Variants in MSI2 observed in about 807,000 individuals in gnomAD.
MSI2 encodes RNA-binding protein Musashi homolog 2.
MSI2 carries 17 observed loss-of-function variants against 45.6 expected under a neutral mutation model. The observed-to-expected ratio is 0.37, with a 90% CI of 0.26 to 0.56. The LOEUF (loss-of-function observed/expected upper bound fraction) is 0.56, where lower values mean the gene tolerates loss of function less well. Among genes scored for constraint, MSI2 ranks in the 20% least tolerant of loss-of-function variants. The pLI, the probability that MSI2 is intolerant of heterozygous loss-of-function variation, is 0.77. For synonymous variants in MSI2, 156 were observed against 158.2 expected, an observed-to-expected ratio of 0.99 and a Z score of 0.11; for missense variants, 293 against 444.2, an observed-to-expected ratio of 0.66 and a Z score of 3.06.
chr17:57,316,198 T>A (rs1912836274), intron 5 of MSI2, among the ~76,000 whole-genome samples: 1 of 152,148 alleles, frequency 6.6e-6, no homozygotes, highest in African/African-American at 2.4e-5. Flanking sequence ...TACAAAGTAG[T>A]AGATACTGCT....
chr17:57,594,489 C>G (rs1447261317), intron 7 of MSI2, among the ~76,000 whole-genome samples: 1 of 152,122 alleles, frequency 6.6e-6, no homozygotes, highest in Non-Finnish European at 1.5e-5. Context: ...ACTGAAAGTG[C>G]TTAAAGGAGC....
At position 57,559,933 on chromosome 17, in the gene MSI2, A is replaced by G. The variant is rs572832240; in HGVS notation, c.454+30209A>G. On this transcript the variant is annotated intron_variant, in intron 7 of 13. Transcript: ENST00000284073. ...CTGGGCCGGGCCACCTGTGCAGGTA[A>G]CTCCTTCACTGCTATTGGTCGGTGG... 4.6e-5 allele frequency among the ~76,000 whole-genome samples: 7 copies of G among 152,234 alleles called. No individual in the cohort carries two copies. The South Asian group carries it at 1.5e-3, about 32-fold the overall frequency.
chr17:57,574,985 C>T (rs925708249), intron 7 of MSI2, among the ~76,000 whole-genome samples: 6 of 152,146 alleles, frequency 3.9e-5, no homozygotes, highest in South Asian at 2.1e-4. Context: ...TGCCCACCAC[C>T]ACGCCCGGCT....
intron 6 of MSI2, among the ~76,000 whole-genome samples, chr17:57,473,978 C>G (rs1315082083): frequency 1.3e-5 from 2 of 152,076 alleles, no homozygotes; most frequent in Non-Finnish European, 2.9e-5. Context: ...CTGTTTTTTT[C>G]GGTTTTGTTT....
chr17:57,397,152 C>T (rs1049018171), intron 5 of MSI2, among the ~76,000 whole-genome samples: 2 of 152,088 alleles, frequency 1.3e-5, no homozygotes, highest in Non-Finnish European at 2.9e-5. Context: ...TGTATGGGTA[C>T]TCTACTGGTA....
At chr17:57,661,622 A>G (rs1309745584) in intron 11 of MSI2, among the ~76,000 whole-genome samples, 3 of 152,114 alleles carry the variant, frequency 2.0e-5, no homozygotes, top group Admixed American at 6.5e-5. Context: ...GTGGAGTGAG[A>G]GGCATTGAGA....
intron 8 of MSI2, among the ~76,000 whole-genome samples, chr17:57,600,278 A>G (rs556399445): frequency 2.8e-4 from 43 of 152,312 alleles, no homozygotes; most frequent in African/African-American, 9.6e-4. Flanking sequence ...AACCCTCGCA[A>G]TCTTTCTGGG....
rs540795180 is a variant in MSI2 at position 57,677,129 on chromosome 17, A to G, written c.*31+70A>G. 1.2e-4 allele frequency: 127 copies of G among 1,048,752 alleles called. 2 individuals carry two copies. In the East Asian group the frequency reaches 2.7e-3, roughly 22 times the overall value. 65.0% of individuals were successfully genotyped at this position (1,048,752 alleles called of 1,614,324 possible). On this transcript the variant is annotated intron_variant, in intron 13 of 13. Transcript: ENST00000284073. The stretch of plus-strand genomic sequence containing the variant: ...GTACATGTATGTCCACAGGTCATAC[A>G]TGCACGTGCGTGCCCCTGTCTCATC...
At chr17:57,586,745 G>T (rs974241584) in intron 7 of MSI2, among the ~76,000 whole-genome samples, 6 of 152,036 alleles carry the variant, frequency 3.9e-5, no homozygotes, top group African/African-American at 1.5e-4. Context: ...GGGCATGGTG[G>T]CTCATACCTG....
chr17:57,443,266 C>T (rs2084833619), intron 6 of MSI2, among the ~76,000 whole-genome samples: 1 of 152,188 alleles, frequency 6.6e-6, no homozygotes, highest in Admixed American at 6.5e-5. Flanking sequence ...TTTTCCTTGG[C>T]TCTTCTCGTT....
At chr17:57,678,568 G>T (rs1344595175) in intron 13 of MSI2, among the ~76,000 whole-genome samples, 1 of 152,166 alleles carries the variant, frequency 6.6e-6, no homozygotes, top group Non-Finnish European at 1.5e-5. Flanking sequence ...CACTGGGGCT[G>T]CCTGTGCTCC....
chr17:57,527,542 C>T (rs2086730340), intron 6 of MSI2, among the ~76,000 whole-genome samples: 1 of 152,204 alleles, frequency 6.6e-6, no homozygotes, highest in South Asian at 2.1e-4. Context: ...ACTAGCATTG[C>T]CCACTCCCAT....
At chr17:57,495,465 G>A (rs1277438506) in intron 6 of MSI2, among the ~76,000 whole-genome samples, 5 of 147,708 alleles carry the variant, frequency 3.4e-5, no homozygotes, top group African/African-American at 7.5e-5. Context: ...CCCAGGAGGC[G>A]GAGGTTGCAG....
intron 7 of MSI2, among the ~76,000 whole-genome samples, chr17:57,554,184 C>A (rs948756528): frequency 6.6e-6 from 1 of 150,540 alleles, no homozygotes; most frequent in African/African-American, 2.5e-5. Context: ...GAAACAAGAA[C>A]GACACCAAGT....
chr17:57,637,901 T>A (rs545906650), intron 10 of MSI2, among the ~76,000 whole-genome samples: 1 of 152,312 alleles, frequency 6.6e-6, no homozygotes, highest in African/African-American at 2.4e-5. Flanking sequence ...AGATCTCATT[T>A]TCCTCCACTC....
At chr17:57,334,261 T>A (rs1914513718) in intron 5 of MSI2, among the ~76,000 whole-genome samples, 1 of 152,222 alleles carries the variant, frequency 6.6e-6, no homozygotes, top group African/African-American at 2.4e-5. Flanking sequence ...TACTCTTTGA[T>A]GATGGCAAAA....
chr17:57,698,900 T>A, the MSI2 span, among the ~76,000 whole-genome samples: 1 of 96,690 alleles, frequency 1.0e-5, no homozygotes, highest in Non-Finnish European at 2.4e-5. Flanking sequence ...GAAGTGTGTG[T>A]GTGTGTGTGT....
chr17:57,665,421 T>G (rs985566840), intron 11 of MSI2, among the ~76,000 whole-genome samples: 4 of 152,228 alleles, frequency 2.6e-5, no homozygotes, highest in African/African-American at 9.6e-5. Flanking sequence ...GGCTCTGTGC[T>G]TGGCTAATTA....
intron 6 of MSI2, among the ~76,000 whole-genome samples, chr17:57,421,347 T>G (rs2143293729): frequency 6.6e-6 from 1 of 152,248 alleles, no homozygotes; most frequent in Non-Finnish European, 1.5e-5. Flanking sequence ...TAGTTACAGC[T>G]TGTGTGTGTA....
Sources: gnomAD v4.1 joint callset for allele counts (sites outside exome capture counted in the v4.1 genomes callset) on GRCh38, gnomAD v4.1.1 for gene constraint, MANE v1.5 for transcripts, NCBI Gene and HGNC (gene_info 2026-07-23, HGNC 2026-07-21) for gene names.